The following VCL variants were observed in gnomAD, a reference collection of about 807,000 sequenced individuals.
The protein encoded by VCL is epididymis luminal protein 114.
A neutral mutation model predicts 125.7 loss-of-function variants in VCL; 47 were observed. The observed-to-expected ratio is 0.37, with a 90% CI of 0.30 to 0.48. The LOEUF is 0.48. VCL is among the 20% of genes least tolerant of loss of function. VCL has a pLI of 0.99. For synonymous variants in VCL, 458 were observed against 514.6 expected, an observed-to-expected ratio of 0.89 and a Z score of 1.49; for missense variants, 1,069 against 1,455.5, an observed-to-expected ratio of 0.73 and a Z score of 4.32.
chr10:74,099,152 C>A (rs1221562474), intron 13 of VCL, among the ~76,000 whole-genome samples: 2 of 152,210 alleles, frequency 1.3e-5, no homozygotes, highest in Admixed American at 1.3e-4. Context: ...CAACCTGACT[C>A]TGACATTCTC....
chr10:74,023,254 A>G (rs1840706492), intron 1 of VCL, among the ~76,000 whole-genome samples: 1 of 152,222 alleles, frequency 6.6e-6, no homozygotes, highest in African/African-American at 2.4e-5. Context: ...AGATACACCA[A>G]TACTTACAAT....
chr10:74,118,194 C>A lies in VCL; in HGVS notation c.*25C>A. On this transcript the variant is annotated 3_prime_UTR_variant, in exon 22 of 22. Transcript: ENST00000211998. ...GGCACCTGGCTGAGCCTGGCTGGCACAGAAACCTCTACTAAAAAGAAGGAA... is the reference window on the plus strand; with the variant it reads ...GGCACCTGGCTGAGCCTGGCTGGCAAAGAAACCTCTACTAAAAAGAAGGAA... 3 of 1,613,880 alleles carry A rather than the reference C, an allele frequency of 1.9e-6. No individual in the cohort carries two copies. The highest frequency in any genetic ancestry group is 2.2e-5 in the South Asian group (2 of 91,086).
intron 1 of VCL, among the ~76,000 whole-genome samples, chr10:74,036,584 GCA>G (rs997343833): frequency 6.6e-6 from 1 of 151,926 alleles, no homozygotes; most frequent in African/African-American, 2.4e-5. Flanking sequence ...AAAAAATGAG[GCA>G]TCAGACAGAT....
In VCL at chr10:74,109,901, T is replaced by A. The variant is rs192423151; in HGVS notation, c.2745+745T>A. ...CTAATATGACCCTAGATCTTTTTTTTAATGTTTTTATGACCCTAGATCTTT... is the reference window on the plus strand; with the variant it reads ...CTAATATGACCCTAGATCTTTTTTTAAATGTTTTTATGACCCTAGATCTTT... On this transcript the variant is annotated intron_variant, in intron 18 of 21. Coordinates refer to ENST00000211998, the MANE Select transcript of VCL (RefSeq NM_014000.3). Among the ~76,000 whole-genome samples the A allele has an allele frequency of 2.8e-3, 422 of 152,320 alleles. 4 individuals carry two copies. Among genetic ancestry groups the A allele is most frequent in the African/African-American group, 9.1e-3 (378 of 41,572 alleles).
chr10:73,999,280 G>T (rs1249969969), intron 1 of VCL, among the ~76,000 whole-genome samples: 1 of 152,188 alleles, frequency 6.6e-6, no homozygotes, highest in Non-Finnish European at 1.5e-5. Context: ...CTGCCGGAGA[G>T]AAGGCTGGGG....
rs1173615129 is a variant in VCL, at chr10:74,082,437, G to A, written c.784-17G>A. 1.2e-6 allele frequency: 2 copies of A among 1,613,434 alleles called. No homozygotes were observed. Among genetic ancestry groups the A allele is most frequent in the Admixed American group, 1.7e-5 (1 of 60,010 alleles). On this transcript the variant is annotated splice_polypyrimidine_tract_variant and intron_variant, in intron 6 of 21. Coordinates refer to ENST00000211998, the MANE Select transcript of VCL (RefSeq NM_014000.3). ...AACTTTTGCAAAGAAAATAATGGTG[G>A]GATTTCTTCCCAAAAGGACACTGAA...
chr10:74,060,434 C>G lies in VCL; in HGVS notation c.240-10236C>G, dbSNP rs1841462183. Among the ~76,000 whole-genome samples the G allele has an allele frequency of 1.3e-5, 2 of 152,058 alleles. 1 individual carries two copies. Among genetic ancestry groups the G allele is most frequent in the South Asian group, 4.1e-4 (2 of 4,834 alleles). On this transcript the variant is annotated intron_variant, in intron 2 of 21. Coordinates refer to ENST00000211998, the MANE Select transcript of VCL (RefSeq NM_014000.3). ...TTGGAAGACCGAAGTGGGTGGATCA[C>G]TTGAGGTCAGGAGTTGGAGACCAGC...
intron 4 of VCL, 46 bp from the exon 5 acceptor site, chr10:74,072,684 G>T (rs1379408305): frequency 6.2e-6 from 10 of 1,613,368 alleles, no homozygotes; most frequent in Non-Finnish European, 8.5e-6. Flanking sequence ...CCAGACCCGG[G>T]ATTGTTTCAC....
chr10:74,097,912 T>G lies in VCL; in HGVS notation c.1872+580T>G, dbSNP rs11000871. ...AACTCTCCAGGAAAACGAAAAACCT[T>G]GATTTGTAATGTTTGTTGATTTCCA... On this transcript the variant is annotated intron_variant, in intron 13 of 21. Transcript: ENST00000211998. This position sits in a 1 kb window ranked among gnomAD's most constrained non-coding sequence, Gnocchi z 4.1. Among the ~76,000 whole-genome samples the G allele has an allele frequency of 3.3e-5, 5 of 152,276 alleles. No individual in the cohort carries two copies. The highest frequency in any genetic ancestry group is 4.1e-4 in the South Asian group (2 of 4,826).
chr10:74,042,926 G>A (rs576186058), intron 1 of VCL, among the ~76,000 whole-genome samples, 157 bp from the exon 2 acceptor site: 3 of 152,248 alleles, frequency 2.0e-5, no homozygotes, highest in Admixed American at 2.0e-4. Flanking sequence ...TATTATGTGA[G>A]TAATCCTAAA....
At chr10:74,046,437 G>A (rs1230484059) in intron 2 of VCL, among the ~76,000 whole-genome samples, 1 of 152,088 alleles carries the variant, frequency 6.6e-6, no homozygotes, top group Non-Finnish European at 1.5e-5. Context: ...TAGAGGTAAG[G>A]TCTCCCTGTT....
intron 2 of VCL, among the ~76,000 whole-genome samples, chr10:74,055,532 T>C (rs1448679032): frequency 1.3e-5 from 2 of 149,188 alleles, no homozygotes; most frequent in African/African-American, 4.9e-5. Context: ...AAAAAAAAAT[T>C]TTTTTTTTTT....
At chr10:74,083,536 A>C (rs1231257419) in intron 8 of VCL, 23 bp downstream of exon 8, 2 of 1,612,810 alleles carry the variant, frequency 1.2e-6, no homozygotes, top group East Asian at 2.2e-5. Flanking sequence ...CTGTCCTTAC[A>C]GAGCAGTAGT....
At chr10:74,043,313 C>T (rs1841131357) in intron 2 of VCL, among the ~76,000 whole-genome samples, 160 bp downstream of exon 2, 1 of 151,594 alleles carries the variant, frequency 6.6e-6, no homozygotes, top group Admixed American at 6.6e-5. Flanking sequence ...AAAAACTGTT[C>T]ATTTTAGTTT....
Position 74,083,446 on chromosome 10 carries a change from AG to A in VCL, c.958del (p.Glu320ArgfsTer9). On this transcript the variant is annotated frameshift_variant, in exon 8 of 22. Coordinates refer to ENST00000211998, the MANE Select transcript of VCL (RefSeq NM_014000.3). LOFTEE classifies it high-confidence loss of function. Reference sequence around the variant, plus strand: ...TGAACTCTGTGCAGGCAAAGAACGCAGGGAGATTCTGGGAACTTGCAAAATG... The same window carrying A: ...TGAACTCTGTGCAGGCAAAGAACGCAGGAGATTCTGGGAACTTGCAAAATG... Reference protein sequence around the residue: ...VGELCAGKERREILGTCKMLG... With the variant: ...VGELCAGKERXEILGTCKMLG... The A allele has an allele frequency of 1.9e-6, 3 of 1,614,142 alleles. No homozygotes were observed. The highest frequency in any genetic ancestry group is 2.5e-6 in the Non-Finnish European group (3 of 1,180,000).
chr10:74,017,043 T>C (rs1840555380), intron 1 of VCL, among the ~76,000 whole-genome samples: 1 of 113,698 alleles, frequency 8.8e-6, no homozygotes, highest in Non-Finnish European at 1.8e-5. Context: ...CAGAATTTCC[T>C]TCCTTTTTTT....
chr10:74,047,527 G>A (rs1841214366), intron 2 of VCL, among the ~76,000 whole-genome samples: 1 of 152,130 alleles, frequency 6.6e-6, no homozygotes, highest in African/African-American at 2.4e-5. Context: ...ATGACCGACT[G>A]AAACTTCCTC....
At position 74,111,990 on chromosome 10, in the gene VCL, C is replaced by A. The variant is rs71579375; in HGVS notation, c.2827C>A (p.Pro943Thr). Residue 943 changes from proline to threonine, a missense_variant, in exon 19 of 22, where the codon CCT (proline) becomes ACT (threonine). Physicochemically the swap from Pro to Thr is conservative, Grantham distance 38. Coordinates refer to ENST00000211998, the MANE Select transcript of VCL (RefSeq NM_014000.3). ...AADAAGFPVP[P>T]DMEDDYEPEL... ...CGATGCTGCTGGCTTCCCTGTCCCCCCTGACATGGAAGACGATTACGAACC... is the reference window on the plus strand; with the variant it reads ...CGATGCTGCTGGCTTCCCTGTCCCCACTGACATGGAAGACGATTACGAACC... The A allele has an allele frequency of 5.0e-5, 81 of 1,614,076 alleles. No homozygotes were observed. Among genetic ancestry groups the A allele is most frequent in the East Asian group, 6.7e-5 (3 of 44,892 alleles).
intron 13 of VCL, 135 bp from the exon 14 acceptor site, chr10:74,100,813 T>G (rs1377063278): frequency 1.9e-6 from 2 of 1,071,958 alleles, no homozygotes; most frequent in Non-Finnish European, 2.8e-6. Context: ...GACTGTTGTT[T>G]TATTAACTAG....
Sources: gnomAD v4.1 joint callset for allele counts (sites outside exome capture counted in the v4.1 genomes callset) on GRCh38, gnomAD v4.1.1 for gene constraint, Gnocchi (gnomAD v3.1) non-coding constraint, MANE v1.5 for transcripts, NCBI Gene and HGNC (gene_info 2026-07-23, HGNC 2026-07-21) for gene names.